The following SLC35F4 variants were observed in gnomAD, a reference collection of about 807,000 sequenced individuals.
The protein encoded by SLC35F4 is solute carrier family 35 member F4, also known as chromosome 14 open reading frame 36.
SLC35F4 carries 24 observed loss-of-function variants against 44.2 expected under a neutral mutation model. The ratio of observed to expected loss-of-function variants is 0.54; its 90% CI spans 0.39 to 0.76. The LOEUF is 0.76. Ranked by LOEUF, SLC35F4 falls within the 30% of genes least tolerant of loss-of-function variation. SLC35F4 has a pLI of 0.00. For missense variants in SLC35F4, 562 were observed against 586.1 expected, an observed-to-expected ratio of 0.96 and a Z score of 0.42; for synonymous variants, 238 against 223.6, an observed-to-expected ratio of 1.06 and a Z score of -0.57.
chr14:57,896,047 A>G (rs1888861867), intron 1 of SLC35F4, among the ~76,000 whole-genome samples: 1 of 152,150 alleles, frequency 6.6e-6, no homozygotes, highest in African/African-American at 2.4e-5. Flanking sequence ...GACGCTCTTT[A>G]CCCCAAAATG....
At chr14:57,725,808 G>C (rs931200703) in intron 1 of SLC35F4, among the ~76,000 whole-genome samples, 5 of 152,154 alleles carry the variant, frequency 3.3e-5, no homozygotes, top group African/African-American at 1.2e-4. Context: ...TACTGTTTCT[G>C]TCATAGCCAG....
At chr14:57,572,045 G>A in intron 4 of SLC35F4, 26 bp from the exon 5 acceptor site, 1 of 1,597,324 alleles carries the variant, frequency 6.3e-7, no homozygotes, top group Non-Finnish European at 8.5e-7. Flanking sequence ...CAAAGAAACA[G>A]AAAAGCAATG....
chr14:57,564,843 C>G (rs974803226), intron 7 of SLC35F4, among the ~76,000 whole-genome samples: 1 of 88,144 alleles, frequency 1.1e-5, no homozygotes, highest in Admixed American at 1.6e-4. Flanking sequence ...CTCTCTGGTC[C>G]CCAGATATCT....
intron 3 of SLC35F4, among the ~76,000 whole-genome samples, chr14:57,586,234 G>C (rs1186836681): frequency 6.6e-6 from 1 of 152,162 alleles, no homozygotes; most frequent in Non-Finnish European, 1.5e-5. Context: ...GAGGAAAGAT[G>C]CCCTATTTAA....
intron 1 of SLC35F4, among the ~76,000 whole-genome samples, chr14:57,719,704 T>G (rs894684545): frequency 1.3e-5 from 2 of 152,260 alleles, no homozygotes; most frequent in Non-Finnish European, 1.5e-5. Flanking sequence ...GTTCTAATAG[T>G]TTTTTGGTGG....
chr14:57,668,424 G>T (rs925339415), intron 1 of SLC35F4, among the ~76,000 whole-genome samples: 7 of 151,940 alleles, frequency 4.6e-5, no homozygotes, highest in African/African-American at 1.7e-4. Flanking sequence ...GTCCTGAATG[G>T]TATTGCCTGG....
At chr14:57,767,888 T>C (rs1417252550) in intron 1 of SLC35F4, among the ~76,000 whole-genome samples, 2 of 152,172 alleles carry the variant, frequency 1.3e-5, no homozygotes, top group East Asian at 1.9e-4. Context: ...AAAAACTATA[T>C]ACACATACGT....
At chr14:57,815,373 G>A (rs566347814) in intron 1 of SLC35F4, among the ~76,000 whole-genome samples, 4 of 152,248 alleles carry the variant, frequency 2.6e-5, no homozygotes, top group East Asian at 3.9e-4. Flanking sequence ...TTGGTCATAC[G>A]GGAAGTAGAA....
At chr14:57,917,247 G>C (rs1270393866) in intron 1 of SLC35F4, among the ~76,000 whole-genome samples, 1 of 152,118 alleles carries the variant, frequency 6.6e-6, no homozygotes, top group Non-Finnish European at 1.5e-5. Context: ...TTTTAGTAGA[G>C]ATGGGGTTTC....
intron 1 of SLC35F4, among the ~76,000 whole-genome samples, chr14:57,937,401 T>A (rs1889817165): frequency 6.6e-6 from 1 of 152,032 alleles, no homozygotes; most frequent in African/African-American, 2.4e-5. Flanking sequence ...TGCCTTGATC[T>A]AGTCACAGTA....
intron 1 of SLC35F4, among the ~76,000 whole-genome samples, chr14:57,774,555 G>GC (rs1339490805): frequency 2.0e-5 from 3 of 152,202 alleles, no homozygotes; most frequent in Non-Finnish European, 4.4e-5. Context: ...CCTGAACCCT[G>GC]CGAGGTAGTC....
intron 1 of SLC35F4, among the ~76,000 whole-genome samples, chr14:57,923,106 G>C (rs1175558723): frequency 6.6e-6 from 1 of 152,168 alleles, no homozygotes; most frequent in East Asian, 1.9e-4. Flanking sequence ...ACTTGGCCAA[G>C]ATGATGCATC....
At chr14:57,611,679 G>T (rs920504771) in intron 1 of SLC35F4, among the ~76,000 whole-genome samples, 4 of 152,182 alleles carry the variant, frequency 2.6e-5, no homozygotes, top group African/African-American at 9.7e-5. Context: ...ATGCCCATTG[G>T]CTATGGCAAT....
At position 57,569,931 on chromosome 14, in the gene SLC35F4, T is replaced by A. The variant is rs753661711; in HGVS notation, c.983A>T (p.His328Leu). The A allele has an allele frequency of 7.4e-6, 12 of 1,612,116 alleles. No individual in the cohort carries two copies. The highest frequency in any genetic ancestry group is 1.0e-5 in the Non-Finnish European group (12 of 1,179,376). Residue 328 changes from histidine to leucine, a missense_variant, in exon 6 of 8, where the codon CAC becomes CTC. Coordinates refer to ENST00000556826, the MANE Select transcript of SLC35F4 (RefSeq NM_001306087.2). The stretch of plus-strand genomic sequence containing the variant: ...GAAGAAACCCAAGGTGGAGACAAAG[T>A]GTGCAGCTTCCCCAAAGTTGGCACT... ...LGSANFGEAAHFVSTLGFFNL... is the reference protein window; with the variant it reads ...LGSANFGEAALFVSTLGFFNL...
chr14:57,775,615 G>A (rs1200746331), intron 1 of SLC35F4, among the ~76,000 whole-genome samples: 1 of 152,168 alleles, frequency 6.6e-6, no homozygotes, highest in East Asian at 1.9e-4. Context: ...AACCCTCAAG[G>A]TCATCAATGG....
intron 1 of SLC35F4, among the ~76,000 whole-genome samples, chr14:57,832,016 G>A (rs1276586439): frequency 6.6e-6 from 1 of 152,146 alleles, no homozygotes; most frequent in Non-Finnish European, 1.5e-5. Flanking sequence ...CCTCACAAAT[G>A]ACTCAGGAGT....
intron 1 of SLC35F4, among the ~76,000 whole-genome samples, chr14:57,670,605 G>A (rs1389838653): frequency 1.3e-5 from 2 of 151,986 alleles, no homozygotes; most frequent in African/African-American, 4.8e-5. Context: ...TAGTCATTCA[G>A]GAGCAGGTTG....
chr14:57,962,653 C>T (rs1256424761), intron 1 of SLC35F4, among the ~76,000 whole-genome samples: 3 of 152,168 alleles, frequency 2.0e-5, no homozygotes, highest in East Asian at 1.9e-4. Flanking sequence ...TGATTGAAAC[C>T]GTGAGAAACT....
chr14:57,758,724 G>T (rs555762356), intron 1 of SLC35F4, among the ~76,000 whole-genome samples: 1 of 152,198 alleles, frequency 6.6e-6, no homozygotes, highest in African/African-American at 2.4e-5. Context: ...GCCAGGTGTT[G>T]TAAATTGTTG....
Sources: gnomAD v4.1 joint callset for allele counts (sites outside exome capture counted in the v4.1 genomes callset) on GRCh38, gnomAD v4.1.1 for gene constraint, MANE v1.5 for transcripts, NCBI Gene and HGNC (gene_info 2026-07-23, HGNC 2026-07-21) for gene names.